RORA: variants seen among roughly 807,000 people sequenced by gnomAD.
RORA encodes the protein RAR related orphan receptor A.
A neutral mutation model predicts 69.5 loss-of-function variants in RORA; 7 were observed. The observed-to-expected ratio is 0.10, with a 90% confidence interval of 0.06 to 0.19. RORA has a LOEUF of 0.19. Ranked by LOEUF, RORA falls within the 10% of genes least tolerant of loss-of-function variation. The pLI is 1.00. For synonymous variants in RORA, 261 were observed against 240.8 expected (o/e 1.08, Z -0.78); for missense variants, 457 against 663.0 (o/e 0.69, Z 3.41).
rs578098035 is a variant in RORA, at chr15:61,213,457, C to T, written c.166+15596G>A. 6.6e-6 allele frequency among the ~76,000 whole-genome samples: 1 copy of T among 152,302 alleles called. No homozygotes were observed. The highest frequency in any genetic ancestry group is 2.1e-4 in the South Asian group (1 of 4,824). On this transcript the variant is annotated intron_variant, in intron 1 of 10. Transcript: ENST00000335670. The surrounding 1 kb of genome is among the most constrained non-coding windows in gnomAD (Gnocchi z 4.1). Reference sequence around the variant, plus strand: ...ACAAGGTCCGAAATGCTTAGGCTCGCCCCTGCCTACTTTCTCCAACCTTAT... The same window carrying T: ...ACAAGGTCCGAAATGCTTAGGCTCGTCCCTGCCTACTTTCTCCAACCTTAT...
intron 1 of RORA, among the ~76,000 whole-genome samples, chr15:60,892,518 G>T (rs1473521774): frequency 6.6e-6 from 1 of 151,982 alleles, no homozygotes; most frequent in Non-Finnish European, 1.5e-5. Flanking sequence ...TTTTTTAAGT[G>T]AGCACTGTTG....
chr15:60,827,424 G>GT (rs1428920815), intron 1 of RORA, among the ~76,000 whole-genome samples: 1 of 152,198 alleles, frequency 6.6e-6, no homozygotes, highest in Non-Finnish European at 1.5e-5. Flanking sequence ...TTGTTTATTT[G>GT]TTATTTGGAA....
chr15:60,835,463 A>G (rs2073103458), intron 1 of RORA, among the ~76,000 whole-genome samples: 1 of 152,250 alleles, frequency 6.6e-6, no homozygotes, highest in Admixed American at 6.5e-5. Context: ...AAACACCATC[A>G]GCTCTCTGAT....
intron 1 of RORA, among the ~76,000 whole-genome samples, chr15:61,186,330 GA>G: frequency 6.6e-6 from 1 of 152,206 alleles, no homozygotes; most frequent in East Asian, 1.9e-4. Flanking sequence ...AGAACCACCT[GA>G]AAAGCTTGTT....
At chr15:61,110,214 T>C (rs945075618) in intron 1 of RORA, among the ~76,000 whole-genome samples, 1 of 152,138 alleles carries the variant, frequency 6.6e-6, no homozygotes, top group Non-Finnish European at 1.5e-5. Flanking sequence ...CTGGCCAACA[T>C]GGTGAAACCC....
intron 1 of RORA, among the ~76,000 whole-genome samples, chr15:60,906,693 T>C (rs564849511): frequency 1.1e-4 from 17 of 152,250 alleles, no homozygotes; most frequent in Middle Eastern, 3.4e-3. Context: ...CCCTGGCCAA[T>C]CCAGGGGCTA....
At chr15:60,589,560 G>C (rs938215051) in intron 2 of RORA, among the ~76,000 whole-genome samples, 3 of 152,166 alleles carry the variant, frequency 2.0e-5, no homozygotes, top group Admixed American at 1.3e-4. Flanking sequence ...TGTTATAGCT[G>C]GCTCTCTCCC....
At chr15:60,532,470 G>A (rs1034034790) in intron 2 of RORA, among the ~76,000 whole-genome samples, 2 of 152,114 alleles carry the variant, frequency 1.3e-5, no homozygotes, top group Non-Finnish European at 2.9e-5. Context: ...TGACAAATAG[G>A]ATGTGTTGCT....
chr15:61,133,087 A>T (rs1343453252), intron 1 of RORA, among the ~76,000 whole-genome samples: 1 of 152,214 alleles, frequency 6.6e-6, no homozygotes, highest in African/African-American at 2.4e-5. Context: ...AAATACTAGA[A>T]AATGTATCAT....
chr15:60,495,230 A>C lies in RORA; in HGVS notation c.*2225T>G, dbSNP rs1201764121. 1 of 152,224 alleles carries C rather than the reference A, an allele frequency of 6.6e-6. No individual in the cohort carries two copies. The highest frequency in any genetic ancestry group is 2.1e-4 in the South Asian group (1 of 4,836). 9.4% of individuals were successfully genotyped at this position (152,224 alleles called of 1,614,324 possible). On this transcript the variant is annotated 3_prime_UTR_variant, in exon 11 of 11. Coordinates refer to ENST00000335670, the MANE Select transcript of RORA (RefSeq NM_134261.3). ...GCTTGGTACTCTTTTCAGAGTATAA[A>C]TACTACTGATCTTTAAAGGAACTAT...
intron 2 of RORA, among the ~76,000 whole-genome samples, chr15:60,653,164 C>T (rs546922840): frequency 6.6e-6 from 1 of 152,266 alleles, no homozygotes; most frequent in South Asian, 2.1e-4. Flanking sequence ...ACCTATGAGC[C>T]TGCAGACAAA....
At chr15:60,662,217 C>T (rs2070314025) in intron 2 of RORA, among the ~76,000 whole-genome samples, 2 of 152,190 alleles carry the variant, frequency 1.3e-5, no homozygotes, top group Non-Finnish European at 2.9e-5. Context: ...TTGATAGCCA[C>T]CACTAATCTC....
chr15:60,501,147 A>C, intron 8 of RORA, 78 bp from the exon 9 acceptor site: 1 of 723,726 alleles, frequency 1.4e-6, no homozygotes, highest in Non-Finnish European at 2.4e-6. Context: ...AGGTTTTCCT[A>C]AGGTTCTCCT....
At chr15:61,055,421 G>T (rs1030451893) in intron 1 of RORA, among the ~76,000 whole-genome samples, 1 of 152,138 alleles carries the variant, frequency 6.6e-6, no homozygotes, top group Admixed American at 6.5e-5. Context: ...TGTTTACAGA[G>T]TGCCTTAAGC....
chr15:60,568,878 T>C (rs1027032413), intron 2 of RORA, among the ~76,000 whole-genome samples: 1 of 151,242 alleles, frequency 6.6e-6, no homozygotes, highest in Non-Finnish European at 1.5e-5. Context: ...CAAAGTGAAG[T>C]AGGTAAAAGT....
At chr15:60,653,965 G>A (rs990610760) in intron 2 of RORA, among the ~76,000 whole-genome samples, 34 of 152,084 alleles carry the variant, frequency 2.2e-4, no homozygotes, top group African/African-American at 7.0e-4. Flanking sequence ...ATCTCAACAG[G>A]AGCAAGGATT....
intron 1 of RORA, among the ~76,000 whole-genome samples, chr15:60,771,388 G>A (rs932880638): frequency 1.3e-5 from 2 of 152,174 alleles, no homozygotes; most frequent in African/African-American, 4.8e-5. Flanking sequence ...ACACTTGCCT[G>A]GGAGCTTAGC....
At chr15:60,759,994 T>A (rs2071862864) in intron 1 of RORA, among the ~76,000 whole-genome samples, 1 of 152,240 alleles carries the variant, frequency 6.6e-6, no homozygotes, top group Non-Finnish European at 1.5e-5. Context: ...TTAAATTTTT[T>A]AAAAGCATAA....
chr15:61,226,643 G>A lies in RORA; in HGVS notation c.166+2410C>T, dbSNP rs1481941405. Among the ~76,000 whole-genome samples, 2 of 152,234 alleles carry A rather than the reference G, an allele frequency of 1.3e-5. No individual in the cohort carries two copies. Among genetic ancestry groups the A allele is most frequent in the African/African-American group, 4.8e-5 (2 of 41,460 alleles). ...AGATTGGTACCCCTGAGGAGCAGATGCTACATCTGAGGTTAAAGTCTGCAA... is the reference window on the plus strand; with the variant it reads ...AGATTGGTACCCCTGAGGAGCAGATACTACATCTGAGGTTAAAGTCTGCAA... On this transcript the variant is annotated intron_variant, in intron 1 of 10. Coordinates refer to ENST00000335670, the MANE Select transcript of RORA (RefSeq NM_134261.3). The surrounding 1 kb of genome is among the most constrained non-coding windows in gnomAD (Gnocchi z 4.2).
Sources: allele counts gnomAD v4.1 joint callset (sites outside exome capture counted in the v4.1 genomes callset), GRCh38; gene constraint gnomAD v4.1.1; non-coding constraint Gnocchi (gnomAD v3.1); transcripts MANE v1.5; gene names NCBI Gene and HGNC (gene_info 2026-07-23, HGNC 2026-07-21).